The following QTMAN variants were observed in gnomAD, a reference collection of about 807,000 sequenced individuals.
QTMAN encodes tRNA-queuosine alpha-mannosyltransferase.
At chr2:144,047,229 C>A in the QTMAN span, among the ~76,000 whole-genome samples, 1 of 152,144 alleles carries the variant, frequency 6.6e-6, no homozygotes, top group Non-Finnish European at 1.5e-5. Flanking sequence ...TGAGATTGCA[C>A]CACTGTCCTC....
the QTMAN span, among the ~76,000 whole-genome samples, chr2:144,243,444 G>A: frequency 2.6e-5 from 4 of 152,198 alleles, no homozygotes; most frequent in East Asian, 7.7e-4. Context: ...CAGAATAAAT[G>A]TGAATGGAAT....
chr2:144,069,670 A>T, the QTMAN span, among the ~76,000 whole-genome samples: 1 of 152,112 alleles, frequency 6.6e-6, no homozygotes, highest in African/African-American at 2.4e-5. Flanking sequence ...TGAAATGATT[A>T]TAAGAAGATA....
chr2:144,201,127 G>C, the QTMAN span, among the ~76,000 whole-genome samples: 2 of 152,110 alleles, frequency 1.3e-5, no homozygotes, highest in East Asian at 1.9e-4. Context: ...AATTATTACA[G>C]GTTATATAAA....
chr2:144,154,035 A>G, the QTMAN span, among the ~76,000 whole-genome samples: 1 of 152,130 alleles, frequency 6.6e-6, no homozygotes, highest in Admixed American at 6.6e-5. Flanking sequence ...CTTACTCCAC[A>G]CTGATTTTGA....
chr2:144,079,767 G>A, the QTMAN span, among the ~76,000 whole-genome samples: 4 of 152,130 alleles, frequency 2.6e-5, no homozygotes, highest in African/African-American at 9.6e-5. Context: ...TGACAAAATT[G>A]TTGAAAAATA....
At chr2:144,062,721 C>T in the QTMAN span, among the ~76,000 whole-genome samples, 2 of 152,156 alleles carry the variant, frequency 1.3e-5, no homozygotes, top group African/African-American at 4.8e-5. Context: ...GAAAAAATTA[C>T]ATTTCAATGC....
chr2:144,135,202 T>G, the QTMAN span, among the ~76,000 whole-genome samples: 1 of 152,168 alleles, frequency 6.6e-6, no homozygotes, highest in Non-Finnish European at 1.5e-5. Flanking sequence ...GACAATCTAC[T>G]GACATGAAAA....
chr2:144,287,856 TTTTA>T, the QTMAN span, among the ~76,000 whole-genome samples: 16 of 152,298 alleles, frequency 1.1e-4, no homozygotes, highest in African/African-American at 3.1e-4. Context: ...TTCATTTTAT[TTTTA>T]TTTATTTATC....
chr2:144,133,139 AT>A, the QTMAN span, among the ~76,000 whole-genome samples: 31 of 42,030 alleles, frequency 7.4e-4, no homozygotes, highest in Middle Eastern at 6.8e-3. Context: ...ATATATATAT[AT>A]ATATATATAT....
the QTMAN span, among the ~76,000 whole-genome samples, chr2:144,204,085 G>A: frequency 1.3e-5 from 2 of 152,012 alleles, no homozygotes; most frequent in Non-Finnish European, 2.9e-5. Flanking sequence ...CATAGGCATG[G>A]GCAAGGACTT....
the QTMAN span, among the ~76,000 whole-genome samples, chr2:144,130,105 A>T: frequency 6.6e-6 from 1 of 151,698 alleles, no homozygotes; most frequent in East Asian, 1.9e-4. Flanking sequence ...AAAAAAAAAA[A>T]AAAAGAATAA....
the QTMAN span, among the ~76,000 whole-genome samples, chr2:144,249,148 T>C: frequency 6.6e-6 from 1 of 152,224 alleles, no homozygotes; most frequent in Non-Finnish European, 1.5e-5. Context: ...TTGGTTTTTA[T>C]TTAGATCTAG....
chr2:144,140,352 T>C, the QTMAN span, among the ~76,000 whole-genome samples: 6 of 151,996 alleles, frequency 3.9e-5, no homozygotes, highest in African/African-American at 1.4e-4. Context: ...TCTATAGCAG[T>C]AATAATTAAG....
the QTMAN span, among the ~76,000 whole-genome samples, chr2:144,198,716 C>G: frequency 6.6e-6 from 1 of 152,150 alleles, no homozygotes; most frequent in African/African-American, 2.4e-5. Context: ...GAGTCCAGAG[C>G]AACAGAGCTT....
At chr2:144,293,210 A>C in the QTMAN span, among the ~76,000 whole-genome samples, 1 of 152,214 alleles carries the variant, frequency 6.6e-6, no homozygotes, top group African/African-American at 2.4e-5. Flanking sequence ...TAGAACATAC[A>C]AAAAGAGAAA....
the QTMAN span, among the ~76,000 whole-genome samples, chr2:144,201,720 G>C: frequency 6.6e-6 from 1 of 152,122 alleles, no homozygotes; most frequent in African/African-American, 2.4e-5. Flanking sequence ...TGATGGAAAA[G>C]AATAATGAAA....
the QTMAN span, among the ~76,000 whole-genome samples, chr2:144,085,362 G>A: frequency 1.4e-4 from 21 of 152,162 alleles, no homozygotes; most frequent in Non-Finnish European, 2.9e-4. Flanking sequence ...CTTGTCAAAC[G>A]GGATGACAAG....
chr2:144,118,008 G>A, the QTMAN span, among the ~76,000 whole-genome samples: 1 of 152,042 alleles, frequency 6.6e-6, no homozygotes, highest in Admixed American at 6.5e-5. Context: ...ACCACGCCCG[G>A]CTAATTTTTT....
chr2:144,314,554 A>T, the QTMAN span, among the ~76,000 whole-genome samples: 1 of 152,146 alleles, frequency 6.6e-6, no homozygotes, highest in Non-Finnish European at 1.5e-5. Context: ...CTACTAAAAA[A>T]TACAAAAAAT....
Sources: gnomAD v4.1 joint callset for allele counts (sites outside exome capture counted in the v4.1 genomes callset) on GRCh38, gnomAD v4.1.1 for gene constraint, MANE v1.5 for transcripts, NCBI Gene and HGNC (gene_info 2026-07-23, HGNC 2026-07-21) for gene names.